RAPH1: variants seen among roughly 807,000 people sequenced by gnomAD.
RAPH1 encodes ras-associated and pleckstrin homology domains-containing protein 1.
A neutral mutation model predicts 88.1 loss-of-function variants in RAPH1; 18 were observed. The observed-to-expected ratio is 0.20, with a 90% CI of 0.14 to 0.30. The LOEUF is 0.30. Ranked by LOEUF, RAPH1 falls within the 10% of genes least tolerant of loss-of-function variation. RAPH1 has a pLI of 1.00. For missense variants in RAPH1, 1,448 were observed against 1,543.2 expected (o/e 0.94, Z 1.03); for synonymous variants, 587 against 559.0 (o/e 1.05, Z -0.71).
intron 10 of RAPH1, among the ~76,000 whole-genome samples, chr2:203,451,056 G>A (rs1272920714): frequency 2.0e-5 from 3 of 152,026 alleles, no homozygotes; most frequent in East Asian, 3.8e-4. Context: ...TCAGATTACT[G>A]CTAGTTTAAA....
chr2:203,529,733 C>T (rs1341480974), intron 1 of RAPH1, among the ~76,000 whole-genome samples: 2 of 152,212 alleles, frequency 1.3e-5, no homozygotes, highest in East Asian at 3.8e-4. Context: ...AATATGTTTA[C>T]AGTCCAATTT....
At chr2:203,468,058 A>G (rs1270336945) in intron 4 of RAPH1, among the ~76,000 whole-genome samples, 1 of 152,244 alleles carries the variant, frequency 6.6e-6, no homozygotes, top group African/African-American at 2.4e-5. Context: ...GGCATGAGCC[A>G]CTGACCATGT....
At chr2:203,496,296 T>C (rs1433515638) in intron 1 of RAPH1, among the ~76,000 whole-genome samples, 1 of 152,150 alleles carries the variant, frequency 6.6e-6, no homozygotes, top group Non-Finnish European at 1.5e-5. Context: ...AGACAGAGGT[T>C]GCAGAGAGCC....
At chr2:203,526,917 G>C (rs1476891979) in intron 1 of RAPH1, among the ~76,000 whole-genome samples, 1 of 151,676 alleles carries the variant, frequency 6.6e-6, no homozygotes, top group Admixed American at 6.6e-5. Context: ...CTGAGTAGCT[G>C]GGATTACAGG....
intron 10 of RAPH1, among the ~76,000 whole-genome samples, chr2:203,450,207 A>G (rs935685741): frequency 6.6e-5 from 10 of 152,170 alleles, no homozygotes; most frequent in African/African-American, 2.2e-4. Flanking sequence ...CTGCATTGTT[A>G]AAGATCAATC....
intron 1 of RAPH1, among the ~76,000 whole-genome samples, chr2:203,517,359 C>CAAAAAAAAAAAAAAAAAAAAAAAA (rs71408943): frequency 9.3e-5 from 3 of 32,156 alleles, no homozygotes; most frequent in Non-Finnish European, 1.2e-4. Flanking sequence ...CTATGAGAGG[C>CAAAAAAAAAAAAAAAAAAAAAAAA]AAAAAAAAAA....
intron 12 of RAPH1, chr2:203,445,928 C>T (rs2098509127): frequency 6.6e-6 from 1 of 152,140 alleles, no homozygotes; most frequent in African/African-American, 2.4e-5. Context: ...ACCCATTTAG[C>T]AATATGTTTG....
At chr2:203,480,172 G>A (rs963406929) in intron 4 of RAPH1, among the ~76,000 whole-genome samples, 1 of 152,194 alleles carries the variant, frequency 6.6e-6, no homozygotes, top group African/African-American at 2.4e-5. Context: ...CTACTTTCTT[G>A]AACTGAATCT....
rs1452939250 is a variant in RAPH1, at chr2:203,481,756, TA to T, written c.732+7827del. ...GCAGGTGTCTGCCACCACGCCAGGA[TA>T]ATTTTTTTTTTTTTTTGTATTTTTA... On this transcript the variant is annotated intron_variant, in intron 4 of 13. Transcript: ENST00000319170. 1.0e-3 allele frequency among the ~76,000 whole-genome samples: 152 copies of T among 147,722 alleles called. 1 individual carries two copies. Among genetic ancestry groups the T allele is most frequent in the African/African-American group, 3.8e-3 (147 of 38,956 alleles).
Position 203,532,478 on chromosome 2 carries a change from A to G in RAPH1, c.-1+2633T>C, listed in dbSNP as rs57519179. On this transcript the variant is annotated intron_variant, in intron 1 of 13. Coordinates refer to ENST00000319170, the MANE Select transcript of RAPH1 (RefSeq NM_213589.3). ...TTAGTGGCAGTGTAAAAACATGGTT[A>G]AGAATACAAGCTTAAGAATTAGGCT... Among the ~76,000 whole-genome samples, 186 of 152,336 alleles carry G rather than the reference A, an allele frequency of 1.2e-3. 4 individuals carry two copies. The East Asian group carries it at 0.031, about 26-fold the overall frequency.
At chr2:203,524,295 A>C (rs1326900915) in intron 1 of RAPH1, among the ~76,000 whole-genome samples, 1 of 152,234 alleles carries the variant, frequency 6.6e-6, no homozygotes, top group Non-Finnish European at 1.5e-5. Context: ...ACCAAGTCTT[A>C]GGATATACAC....
chr2:203,533,735 A>G (rs1178017644), intron 1 of RAPH1, among the ~76,000 whole-genome samples: 4 of 151,494 alleles, frequency 2.6e-5, no homozygotes, highest in African/African-American at 9.7e-5. Context: ...AACCCCCCGC[A>G]CCGCACCCCC....
chr2:203,457,710 A>G, intron 7 of RAPH1, 115 bp from the exon 8 acceptor site: 1 of 798,462 alleles, frequency 1.3e-6, no homozygotes, highest in Non-Finnish European at 2.1e-6. Flanking sequence ...TTCTAGAGAA[A>G]TAGCAACTCT....
At chr2:203,463,872 A>G (rs189757286) in intron 4 of RAPH1, among the ~76,000 whole-genome samples, 5 of 152,354 alleles carry the variant, frequency 3.3e-5, no homozygotes, top group Admixed American at 3.3e-4. Context: ...TACTGTCATT[A>G]AAACTCTCAG....
intron 13 of RAPH1, chr2:203,442,944 A>G (rs993310478): frequency 2.6e-5 from 4 of 152,206 alleles, no homozygotes; most frequent in African/African-American, 7.2e-5. Context: ...TCTTTAGTAC[A>G]TTTTTAAAAT....
intron 2 of RAPH1, 145 bp from the exon 3 acceptor site, chr2:203,491,464 G>C (rs368601808): frequency 1.9e-6 from 1 of 531,010 alleles, no homozygotes; most frequent in Non-Finnish European, 3.3e-6. Context: ...TTAAGGAAAA[G>C]TATAATTGTA....
chr2:203,510,934 A>C (rs1434888302), intron 1 of RAPH1, among the ~76,000 whole-genome samples: 1 of 152,200 alleles, frequency 6.6e-6, no homozygotes, highest in Non-Finnish European at 1.5e-5. Flanking sequence ...TATTATGTAT[A>C]TCTCAATTTA....
chr2:203,448,758 T>G lies in RAPH1; in HGVS notation c.1492A>C (p.Asn498His). The G allele has an allele frequency of 2.5e-6, 4 of 1,607,012 alleles. No individual in the cohort carries two copies. Among genetic ancestry groups the G allele is most frequent in the Non-Finnish European group, 3.4e-6 (4 of 1,176,376 alleles). ...CATGCCTTTGCAATGCGGATCCCAT[T>G]GACCCACTGATGCAGTGTCCTCACA... ...DDVRTLHQWVNGIRIAKYGKQ... is the reference protein window; with the variant it reads ...DDVRTLHQWVHGIRIAKYGKQ... Residue 498 changes from asparagine (N) to histidine (H), a missense_variant, in exon 11 of 14, where the codon AAT (asparagine) becomes CAT (histidine). Physicochemically the swap from Asn to His is moderately conservative, Grantham distance 68 (BLOSUM62 1). Coordinates refer to ENST00000319170, the MANE Select transcript of RAPH1 (RefSeq NM_213589.3). The surrounding 1 kb of genome is among the most constrained non-coding windows in gnomAD (Gnocchi z 4.1).
At position 203,437,799 on chromosome 2, in the gene RAPH1, G is replaced by T; in HGVS notation, c.*1638C>A. Reference sequence around the variant, plus strand: ...TTACTGGCATCACTTTTTCCTTGTGGGACAATGTCAACTGATTTCTGCAGT... The same window carrying T: ...TTACTGGCATCACTTTTTCCTTGTGTGACAATGTCAACTGATTTCTGCAGT... On this transcript the variant is annotated 3_prime_UTR_variant, in exon 14 of 14. Transcript: ENST00000319170. 2 of 190,574 alleles carry T rather than the reference G, an allele frequency of 1.0e-5. No individual in the cohort carries two copies. Among genetic ancestry groups the T allele is most frequent in the East Asian group, 1.6e-4 (1 of 6,278 alleles). The allele number at this position is 190,574 out of a possible 1,614,324, so 11.8% of individuals were successfully genotyped here.
Sources: gnomAD v4.1 joint callset for allele counts (sites outside exome capture counted in the v4.1 genomes callset) on GRCh38, gnomAD v4.1.1 for gene constraint, Gnocchi (gnomAD v3.1) non-coding constraint, MANE v1.5 for transcripts, NCBI Gene and HGNC (gene_info 2026-07-23, HGNC 2026-07-21) for gene names.